PLEKHA8: variants seen among roughly 807,000 people sequenced by gnomAD.
PLEKHA8 encodes pleckstrin homology domain containing A8, also known as pleckstrin homology domain-containing family A member 8.
Under a neutral mutation model 68.2 loss-of-function variants are expected in PLEKHA8, and 36 were observed. That is an observed-to-expected ratio of 0.53 (90% CI 0.40 to 0.70). PLEKHA8 has a LOEUF of 0.70. PLEKHA8 is among the 30% of genes least tolerant of loss of function. The probability of loss-of-function intolerance (pLI) is 0.00; values close to 1 mark genes in which losing one functional copy is unlikely to be tolerated. For synonymous variants in PLEKHA8, 211 were observed against 216.1 expected (o/e 0.98, Z 0.20); for missense variants, 505 against 615.4 (o/e 0.82, Z 1.90).
rs753232585 is a variant in PLEKHA8, at chr7:30,078,754, G to A, written c.1527G>A (p.Glu509=). Residue 509 remains glutamate, a synonymous_variant, in exon 14 of 14, where the codon GAG becomes GAA. Transcript: ENST00000449726. ...KQLAILDTLY[E]VHGLESDEVV is the part of the protein sequence containing the mutation. ...TGGCCATACTGGACACTTTATATGAGGTCCACGGGCTGGAATCTGATGAGG... is the reference window on the plus strand; with the variant it reads ...TGGCCATACTGGACACTTTATATGAAGTCCACGGGCTGGAATCTGATGAGG... The A allele has an allele frequency of 3.7e-6, 6 of 1,613,516 alleles. No homozygotes were observed. Among genetic ancestry groups the A allele is most frequent in the Non-Finnish European group, 5.1e-6 (6 of 1,179,716 alleles).
In PLEKHA8 at chr7:30,050,486, T is replaced by G. The variant is rs1374383241; in HGVS notation, c.638+12T>G. 6.4e-7 allele frequency: 1 copy of G among 1,550,768 alleles called. No individual in the cohort carries two copies. The highest frequency in any genetic ancestry group is 1.4e-5 in the African/African-American group (1 of 71,972). ...AATTCATTGGAAAGGTACAGTAGCT[T>G]TTTTCTTCTTGCTAAAAATTAAAAA... On this transcript the variant is annotated intron_variant, in intron 6 of 13. Coordinates refer to ENST00000449726, the MANE Select transcript of PLEKHA8 (RefSeq NM_001197026.2).
In PLEKHA8 at chr7:30,127,788, G is replaced by A. The variant is rs144900637; in HGVS notation, c.1363-1478G>A. 2.1e-3 allele frequency among the ~76,000 whole-genome samples: 319 copies of A among 152,218 alleles called. 1 individual carries two copies. The highest frequency in any genetic ancestry group is 7.6e-3 in the African/African-American group (317 of 41,536). ...GAATAGCAATTGATTATTGTCCCAT[G>A]GATATTAACCAATTTTACATCTATT... On this transcript the variant is annotated intron_variant, in intron 13 of 13. Coordinates refer to the PLEKHA8 transcript ENST00000396257.
chr7:30,080,422 T>A lies in PLEKHA8; in HGVS notation c.*1635T>A. On this transcript the variant is annotated 3_prime_UTR_variant, in exon 14 of 14. Coordinates refer to ENST00000449726, the MANE Select transcript of PLEKHA8 (RefSeq NM_001197026.2). ...AGGGTAGAAGGTCCTTTGAGGGGCT[T>A]GGTTGAATTGAGAGCATCATCTCTA... is the stretch of plus-strand genomic sequence containing the variant. 4.1e-6 allele frequency: 4 copies of A among 985,144 alleles called. No individual in the cohort carries two copies. Among genetic ancestry groups the A allele is most frequent in the Non-Finnish European group, 4.8e-6 (4 of 829,826 alleles). The allele number at this position is 985,144 out of a possible 1,614,324, so 61.0% of individuals were successfully genotyped here.
chr7:30,045,002 T>A, intron 1 of PLEKHA8, 83 bp from the exon 2 acceptor site: 1 of 888,578 alleles, frequency 1.1e-6, no homozygotes, highest in Non-Finnish European at 1.7e-6. Flanking sequence ...CCCAGTATCC[T>A]ATGTTAGGCT....
intron 4 of PLEKHA8, among the ~76,000 whole-genome samples, chr7:30,048,961 T>A (rs1156696346): frequency 1.3e-5 from 2 of 152,080 alleles, no homozygotes. Flanking sequence ...ACTGAGGGAG[T>A]TACAACTAAT....
intron 1 of PLEKHA8, among the ~76,000 whole-genome samples, chr7:30,036,443 G>C (rs539058861): frequency 6.0e-5 from 9 of 150,538 alleles, no homozygotes; most frequent in East Asian, 3.9e-4. Flanking sequence ...TAGATAGATA[G>C]ATAGATAGAT....
chr7:30,109,586 CAAAAAAAAA>C (rs1166200858), intron 13 of PLEKHA8, among the ~76,000 whole-genome samples: 22 of 41,622 alleles, frequency 5.3e-4, no homozygotes, highest in Middle Eastern at 0.015. Context: ...AACTCTGTCT[CAAAAAAAAA>C]AAAAAAAAAA....
downstream of PLEKHA8, chr7:30,084,755 G>A (rs1360696550): frequency 5.2e-6 from 3 of 580,314 alleles, no homozygotes; most frequent in Non-Finnish European, 6.5e-6. Flanking sequence ...AGTCTAAGCC[G>A]TTTACAAATA....
At chr7:30,056,775 GTGTGTGTGTGTATA>G (rs1177383834) in intron 9 of PLEKHA8, among the ~76,000 whole-genome samples, 6 of 132,346 alleles carry the variant, frequency 4.5e-5, no homozygotes, top group African/African-American at 8.9e-5. Flanking sequence ...GTGTGTGTGT[GTGTGTGTGTGTATA>G]TATATATGTT....
intron 12 of PLEKHA8, among the ~76,000 whole-genome samples, chr7:30,066,659 C>T (rs1263503137): frequency 6.6e-6 from 1 of 152,184 alleles, no homozygotes; most frequent in Non-Finnish European, 1.5e-5. Context: ...GGAAAGCATC[C>T]TTGCAAGTGG....
chr7:30,030,572 A>G (rs1309451587), intron 1 of PLEKHA8, among the ~76,000 whole-genome samples: 1 of 152,248 alleles, frequency 6.6e-6, no homozygotes, highest in Admixed American at 6.5e-5. Context: ...CCTGAAGAAG[A>G]GGGCACTGGA....
chr7:30,081,951 C>A lies in PLEKHA8; in HGVS notation c.*3164C>A. 2.1e-6 allele frequency: 2 copies of A among 952,382 alleles called. No individual in the cohort carries two copies. Among genetic ancestry groups the A allele is most frequent in the Non-Finnish European group, 2.5e-6 (2 of 799,926 alleles). 59.0% of individuals were successfully genotyped at this position (952,382 alleles called of 1,614,324 possible). On this transcript the variant is annotated 3_prime_UTR_variant, in exon 14 of 14. Transcript: ENST00000449726. ...CAAGTCAGATTCCTTATAGCTAATGCTGGTGAAAAATGTTAAATTGGAGAG... is the reference window on the plus strand; with the variant it reads ...CAAGTCAGATTCCTTATAGCTAATGATGGTGAAAAATGTTAAATTGGAGAG...
At chr7:30,093,209 C>T (rs1355381712), downstream of PLEKHA8, among the ~76,000 whole-genome samples, 2 of 152,194 alleles carry the variant, frequency 1.3e-5, no homozygotes, top group Non-Finnish European at 2.9e-5. Flanking sequence ...AGGACACTGG[C>T]TGTTAGCTTT....
At chr7:30,045,227 T>C in intron 2 of PLEKHA8, 26 bp downstream of exon 2, 1 of 1,529,850 alleles carries the variant, frequency 6.5e-7, no homozygotes, top group Non-Finnish European at 8.9e-7. Flanking sequence ...ACTTGCAAGT[T>C]TTATTTTTCT....
chr7:30,117,379 GA>G (rs1418667323), intron 13 of PLEKHA8, among the ~76,000 whole-genome samples: 3 of 152,120 alleles, frequency 2.0e-5, no homozygotes, highest in African/African-American at 7.2e-5. Flanking sequence ...ATTTGTAGTA[GA>G]AATAATAGCC....
chr7:30,117,641 C>T (rs892393920), intron 13 of PLEKHA8, among the ~76,000 whole-genome samples: 7 of 152,072 alleles, frequency 4.6e-5, no homozygotes, highest in African/African-American at 1.7e-4. Context: ...GAGTTCAAGG[C>T]TGCAGTGAGC....
At chr7:30,090,083 T>A in intron 12 of PLEKHA8, 1 of 1,477,288 alleles carries the variant, frequency 6.8e-7, no homozygotes, top group Non-Finnish European at 9.1e-7. Context: ...TATCTGGAGA[T>A]AAAATACAGA....
At chr7:30,055,677 C>CT (rs34374767) in intron 9 of PLEKHA8, among the ~76,000 whole-genome samples, 23,859 of 152,002 alleles carry the variant, frequency 0.16, 1,909 homozygotes, top group Middle Eastern at 0.2. Flanking sequence ...CCAGTTAAAA[C>CT]TTTTTTGAGA....
Position 30,079,143 on chromosome 7 carries a change from G to A in PLEKHA8, c.*356G>A. On this transcript the variant is annotated 3_prime_UTR_variant, in exon 14 of 14. Transcript: ENST00000449726. Reference sequence around the variant, plus strand: ...CCACCCAAACCCAAGCTGAAAATCAGCAAATTCCATATTAAGTACCATAAT... The same window carrying A: ...CCACCCAAACCCAAGCTGAAAATCAACAAATTCCATATTAAGTACCATAAT... The A allele has an allele frequency of 5.9e-6, 6 of 1,019,442 alleles. No homozygotes were observed. The highest frequency in any genetic ancestry group is 7.0e-6 in the Non-Finnish European group (6 of 851,232). 63.1% of individuals were successfully genotyped at this position (1,019,442 alleles called of 1,614,324 possible).
Sources: gnomAD v4.1 joint callset for allele counts (sites outside exome capture counted in the v4.1 genomes callset) on GRCh38, gnomAD v4.1.1 for gene constraint, MANE v1.5 for transcripts, NCBI Gene and HGNC (gene_info 2026-07-23, HGNC 2026-07-21) for gene names.